TYW1B: variants seen among roughly 807,000 people sequenced by gnomAD.
The protein encoded by TYW1B is S-adenosyl-L-methionine-dependent tRNA 4-demethylwyosine synthase TYW1B.
A neutral mutation model predicts 86.9 loss-of-function variants in TYW1B; 73 were observed. That is an observed-to-expected ratio of 0.84 (90% CI 0.70 to 1.02). TYW1B has a LOEUF of 1.02. TYW1B is among the 50% of genes least tolerant of loss of function. The pLI is 0.00. For missense variants in TYW1B, 637 were observed against 827.4 expected (o/e 0.77, Z 2.82); for synonymous variants, 248 against 292.8 (o/e 0.85, Z 1.56).
rs1306298890 is a variant in TYW1B, at chr7:72,712,619, C to T, written c.1370+1002G>A. Among the ~76,000 whole-genome samples the T allele has an allele frequency of 2.1e-4, 32 of 152,324 alleles. 1 individual carries two copies. Among genetic ancestry groups the T allele is most frequent in the African/African-American group, 7.5e-4 (31 of 41,566 alleles). On this transcript the variant is annotated intron_variant, in intron 10 of 13. Transcript: ENST00000620995. ...CTGGGATGACAGGCATGAGCCACCG[C>T]GCCTGGCTTAACAGCATCTTTTTTA...
chr7:72,725,775 C>A (rs1786987228), intron 9 of TYW1B, among the ~76,000 whole-genome samples: 1 of 152,166 alleles, frequency 6.6e-6, no homozygotes, highest in Non-Finnish European at 1.5e-5. Flanking sequence ...ACCTGCCAGT[C>A]AACTCAAGAG....
At chr7:72,596,047 G>A (rs1554432506) in intron 13 of TYW1B, among the ~76,000 whole-genome samples, 1 of 151,578 alleles carries the variant, frequency 6.6e-6, no homozygotes, top group African/African-American at 2.4e-5. Context: ...ATGGTGGCAG[G>A]TGCCTGTAAT....
chr7:72,601,957 T>C (rs1325741108), intron 13 of TYW1B, among the ~76,000 whole-genome samples: 17 of 152,204 alleles, frequency 1.1e-4, no homozygotes, highest in Middle Eastern at 3.4e-3. Flanking sequence ...TTATTCTAAG[T>C]GATACTGTCA....
chr7:72,663,761 C>CAAAAAA (rs1177247717), intron 11 of TYW1B, among the ~76,000 whole-genome samples: 3 of 57,812 alleles, frequency 5.2e-5, no homozygotes, highest in African/African-American at 7.9e-5. Context: ...GACTCCATCT[C>CAAAAAA]AAAAAAAAAA....
intron 11 of TYW1B, among the ~76,000 whole-genome samples, chr7:72,663,883 G>A (rs532227770): frequency 1.3e-5 from 2 of 150,306 alleles, no homozygotes; most frequent in African/African-American, 4.9e-5. Context: ...TCTGTTGAAC[G>A]AGTACAAACC....
chr7:72,738,799 A>G (rs35653125), intron 8 of TYW1B, among the ~76,000 whole-genome samples: 1 of 152,168 alleles, frequency 6.6e-6, no homozygotes, highest in Non-Finnish European at 1.5e-5. Context: ...AATATGGTAT[A>G]GTAGCCCACG....
At chr7:72,646,947 T>C (rs1287036576) in intron 11 of TYW1B, among the ~76,000 whole-genome samples, 1 of 152,208 alleles carries the variant, frequency 6.6e-6, no homozygotes, top group African/African-American at 2.4e-5. Flanking sequence ...TGCTTCTAAT[T>C]AGGCAGCTTT....
At chr7:72,818,231 C>A (rs1554479784) in intron 2 of TYW1B, among the ~76,000 whole-genome samples, 4 of 151,836 alleles carry the variant, frequency 2.6e-5, no homozygotes, top group African/African-American at 9.7e-5. Context: ...GAACCATGAA[C>A]CAAATAAACC....
intron 11 of TYW1B, among the ~76,000 whole-genome samples, chr7:72,647,866 T>C (rs555343404): frequency 5.3e-5 from 8 of 152,172 alleles, no homozygotes; most frequent in Non-Finnish European, 8.8e-5. Flanking sequence ...TTTTGTATTT[T>C]TTAGTAGAGA....
chr7:72,576,177 C>G (rs1197648626), intron 13 of TYW1B, among the ~76,000 whole-genome samples: 3 of 152,216 alleles, frequency 2.0e-5, no homozygotes, highest in Non-Finnish European at 4.4e-5. Flanking sequence ...ACTTCTAATT[C>G]AAACATGCTA....
chr7:72,586,116 C>T (rs1811269707), intron 13 of TYW1B, among the ~76,000 whole-genome samples: 1 of 152,180 alleles, frequency 6.6e-6, no homozygotes, highest in Admixed American at 6.5e-5. Context: ...AGCAGGAGGA[C>T]ACACATTAAC....
At position 72,760,938 on chromosome 7, in the gene TYW1B, AT is replaced by A. The variant is rs560567877; in HGVS notation, c.965-16338del. On this transcript the variant is annotated intron_variant, in intron 7 of 13. Transcript: ENST00000620995. ...GTTGAAAAAATAAAAACAGGTGTATATCCTGAATTATTGGACACCGGATATT... is the reference window on the plus strand; with the variant it reads ...GTTGAAAAAATAAAAACAGGTGTATACCTGAATTATTGGACACCGGATATT... Among the ~76,000 whole-genome samples the A allele has an allele frequency of 4.2e-3, 633 of 152,330 alleles. 3 individuals carry two copies. Among genetic ancestry groups the A allele is most frequent in the African/African-American group, 0.014 (599 of 41,584 alleles).
In TYW1B at chr7:72,802,520, C is replaced by T. The variant is rs534859035; in HGVS notation, c.726G>A (p.Glu242=). 28 of 1,613,784 alleles carry T rather than the reference C, an allele frequency of 1.7e-5. No individual in the cohort carries two copies. The East Asian group carries it at 5.3e-4, about 31-fold the overall frequency. Residue 242 remains glutamate, a splice_region_variant and synonymous_variant, in exon 6 of 14, where the codon GAG becomes GAA. Coordinates refer to ENST00000620995, the MANE Select transcript of TYW1B (RefSeq NM_001145440.3). ...CACTGGAGCTCTCGAAGGGTTCTTC[C>T]TCCTGGAAGAGAAATGCTTCAGAAA... ...QDELHHRDTK[E]EEPFESSSEE... is the part of the protein sequence containing the mutation.
intron 11 of TYW1B, among the ~76,000 whole-genome samples, chr7:72,660,726 A>G (rs1813308275): frequency 6.6e-6 from 1 of 152,156 alleles, no homozygotes; most frequent in Admixed American, 6.6e-5. Flanking sequence ...AGGTATTGGT[A>G]AGAGAGAAAG....
At chr7:72,577,960 C>T (rs1378560730) in intron 13 of TYW1B, among the ~76,000 whole-genome samples, 27 of 152,142 alleles carry the variant, frequency 1.8e-4, no homozygotes, top group Non-Finnish European at 1.5e-4. Flanking sequence ...GGCCACAGGA[C>T]CTCACTGTCC....
At chr7:72,803,682 TG>T (rs1488969670) in intron 5 of TYW1B, among the ~76,000 whole-genome samples, 1 of 152,002 alleles carries the variant, frequency 6.6e-6, no homozygotes, top group Non-Finnish European at 1.5e-5. Flanking sequence ...GGCGTGATCT[TG>T]GCTCACTGCA....
intron 3 of TYW1B, among the ~76,000 whole-genome samples, chr7:72,812,269 G>C (rs1288999062): frequency 5.9e-5 from 9 of 151,576 alleles, no homozygotes; most frequent in South Asian, 4.2e-4. Flanking sequence ...CAATATTTTT[G>C]ACAATTTCAT....
At chr7:72,697,335 A>T (rs1407593236) in intron 10 of TYW1B, among the ~76,000 whole-genome samples, 1 of 152,084 alleles carries the variant, frequency 6.6e-6, no homozygotes, top group Non-Finnish European at 1.5e-5. Context: ...TCCAATAAGG[A>T]ATTCTAGTCA....
chr7:72,658,932 GC>G (rs1160613831), intron 11 of TYW1B, among the ~76,000 whole-genome samples: 1 of 152,148 alleles, frequency 6.6e-6, no homozygotes, highest in Non-Finnish European at 1.5e-5. Flanking sequence ...TGTTGGCCAG[GC>G]TGGTCTTGAA....
Sources: gnomAD v4.1 joint callset for allele counts (sites outside exome capture counted in the v4.1 genomes callset) on GRCh38, gnomAD v4.1.1 for gene constraint, MANE v1.5 for transcripts, NCBI Gene and HGNC (gene_info 2026-07-23, HGNC 2026-07-21) for gene names.